Variants in RTTN observed in about 807,000 individuals in gnomAD.
The protein encoded by RTTN is rotatin.
A neutral mutation model predicts 269.2 loss-of-function variants in RTTN; 182 were observed. The observed-to-expected ratio is 0.68, with a 90% CI of 0.60 to 0.76. The LOEUF (loss-of-function observed/expected upper bound fraction) is 0.76, where lower values mean the gene tolerates loss of function less well. RTTN is among the 30% of genes least tolerant of loss of function. The pLI is 0.00. For synonymous variants in RTTN, 1,006 were observed against 963.5 expected, an observed-to-expected ratio of 1.04 and a Z score of -0.82; for missense variants, 2,545 against 2,608.6, an observed-to-expected ratio of 0.98 and a Z score of 0.53.
intron 46 of RTTN, among the ~76,000 whole-genome samples, chr18:70,010,915 G>C (rs1452933629): frequency 6.6e-6 from 1 of 152,170 alleles, no homozygotes; most frequent in Non-Finnish European, 1.5e-5. Flanking sequence ...GATCAGCACT[G>C]ATCCCACAGA....
rs2145905926 is a variant in RTTN, at chr18:70,166,164, T to C, written c.1827A>G (p.Pro609=). The change falls in exon 14 of 49, where the codon CCA becomes CCG. Residue 609 remains proline (P), a synonymous_variant. Transcript: ENST00000640769. ...CCTTCTGACTTTCTCCTTGTAGTAA[T>C]GGACTGGCCTGAGCAGATTTCCAGC... ...SKIWKSAQAS[P]LLQGESQKVL... 1 of 1,613,316 alleles carries C rather than the reference T, an allele frequency of 6.2e-7. No homozygotes were observed. The highest frequency in any genetic ancestry group is 8.5e-7 in the Non-Finnish European group (1 of 1,179,456).
intron 36 of RTTN, among the ~76,000 whole-genome samples, chr18:70,058,679 G>A (rs17082034): frequency 0.095 from 14,420 of 152,050 alleles, 2,073 homozygotes; most frequent in African/African-American, 0.31. Context: ...TAGCTGACTC[G>A]TAAGAAGCAA....
At chr18:70,182,068 T>C (rs1250814730) in intron 10 of RTTN, among the ~76,000 whole-genome samples, 1 of 152,144 alleles carries the variant, frequency 6.6e-6, no homozygotes, top group Non-Finnish European at 1.5e-5. Context: ...AATTTACTTG[T>C]TGAAAATCTT....
chr18:70,025,475 T>C (rs1179423762), intron 43 of RTTN, among the ~76,000 whole-genome samples: 3 of 152,162 alleles, frequency 2.0e-5, no homozygotes, highest in African/African-American at 7.2e-5. Context: ...AATTCCGAGG[T>C]AATTTGTAGA....
intron 28 of RTTN, among the ~76,000 whole-genome samples, chr18:70,098,014 A>G (rs1033231269): frequency 4.6e-5 from 7 of 152,222 alleles, no homozygotes; most frequent in South Asian, 2.1e-4. Flanking sequence ...TGACTCTGTA[A>G]AAGGTTGATA....
chr18:70,199,608 G>C, intron 4 of RTTN, 104 bp from the exon 5 acceptor site: 1 of 763,890 alleles, frequency 1.3e-6, no homozygotes, highest in African/African-American at 1.7e-5. Flanking sequence ...CAAAATAAAG[G>C]CTGCATCTTA....
chr18:70,060,073 A>G, intron 35 of RTTN, 31 bp from the exon 36 acceptor site: 1 of 1,543,388 alleles, frequency 6.5e-7, no homozygotes, highest in East Asian at 2.3e-5. Flanking sequence ...AAGAATTATT[A>G]TTTACCTTAC....
At chr18:70,056,516 T>C (rs2057821127) in intron 37 of RTTN, among the ~76,000 whole-genome samples, 2 of 152,242 alleles carry the variant, frequency 1.3e-5, no homozygotes, top group Non-Finnish European at 2.9e-5. Context: ...AGTGAGCACC[T>C]GTCATGAGAC....
At chr18:70,159,522 T>A (rs182112020) in intron 14 of RTTN, among the ~76,000 whole-genome samples, 1 of 152,112 alleles carries the variant, frequency 6.6e-6, no homozygotes, top group African/African-American at 2.4e-5. Flanking sequence ...ACACCACACT[T>A]AGAGGAACTA....
intron 9 of RTTN, among the ~76,000 whole-genome samples, chr18:70,189,196 C>G (rs2061614927): frequency 6.6e-6 from 1 of 152,182 alleles, no homozygotes; most frequent in Non-Finnish European, 1.5e-5. Flanking sequence ...TGCCAAAGTT[C>G]AGATCTTTCT....
At chr18:70,066,031 T>C (rs971823413) in intron 34 of RTTN, 109 bp from the exon 35 acceptor site, 6 of 603,360 alleles carry the variant, frequency 9.9e-6, no homozygotes, top group Non-Finnish European at 1.6e-5. Context: ...GACAAAATTA[T>C]ACTAGTTAGG....
Position 70,149,080 on chromosome 18 carries a change from T to A in RTTN, c.2173-43A>T, listed in dbSNP as rs201026144. 9 of 1,554,954 alleles carry A rather than the reference T, an allele frequency of 5.8e-6. No individual in the cohort carries two copies. In the Admixed American group the frequency reaches 1.1e-4, roughly 19 times the overall value. ...AAAGAGAAATTATTGTCTAATTGTA[T>A]ACATAACTTTTCAACTTGAAAATAA... On this transcript the variant is annotated intron_variant, in intron 16 of 48. Coordinates refer to ENST00000640769, the MANE Select transcript of RTTN (RefSeq NM_173630.4).
Position 70,005,283 on chromosome 18 carries a change from A to C in RTTN, c.6526-16T>G, listed in dbSNP as rs375779362. ...CTGTTTTTGCCTAGAACAATCCATT[A>C]ATTAGGTTTCTTGCCATGTGTTATG... is the stretch of plus-strand genomic sequence containing the variant. On this transcript the variant is annotated splice_polypyrimidine_tract_variant and intron_variant, in intron 47 of 48. Transcript: ENST00000640769. The C allele has an allele frequency of 1.6e-5, 25 of 1,602,272 alleles. No individual in the cohort carries two copies. Among genetic ancestry groups the C allele is most frequent in the Non-Finnish European group, 2.0e-5 (23 of 1,170,952 alleles).
intron 32 of RTTN, among the ~76,000 whole-genome samples, chr18:70,079,628 T>G (rs2058512954): frequency 6.6e-6 from 1 of 152,098 alleles, no homozygotes; most frequent in Non-Finnish European, 1.5e-5. Context: ...AGCCTTGCCC[T>G]CAGGTGAGTT....
chr18:70,158,590 A>G (rs929284129), intron 14 of RTTN, among the ~76,000 whole-genome samples: 5 of 152,178 alleles, frequency 3.3e-5, no homozygotes, highest in African/African-American at 4.8e-5. Context: ...AAATCCTCAC[A>G]TATCAATACT....
intron 5 of RTTN, among the ~76,000 whole-genome samples, chr18:70,199,017 T>A (rs2061883865): frequency 6.6e-6 from 1 of 152,062 alleles, no homozygotes; most frequent in African/African-American, 2.4e-5. Flanking sequence ...GGAAACCCCA[T>A]CTCTACTAAA....
chr18:70,150,425 T>G (rs2060506220), intron 15 of RTTN, among the ~76,000 whole-genome samples, 183 bp downstream of exon 15: 1 of 152,184 alleles, frequency 6.6e-6, no homozygotes, highest in Non-Finnish European at 1.5e-5. Context: ...GTCCTGTATT[T>G]TTATTCCCAC....
chr18:70,134,295 T>C (rs909169539), intron 23 of RTTN, among the ~76,000 whole-genome samples, 178 bp downstream of exon 23: 1 of 152,054 alleles, frequency 6.6e-6, no homozygotes, highest in African/African-American at 2.4e-5. Flanking sequence ...AAATAAAAAA[T>C]TGGTGGTGGG....
chr18:70,048,028 A>G lies in RTTN; in HGVS notation c.5484T>C (p.Leu1828=), dbSNP rs2057541304. 6.2e-7 allele frequency: 1 copy of G among 1,614,154 alleles called. No homozygotes were observed. The highest frequency in any genetic ancestry group is 1.3e-5 in the African/African-American group (1 of 75,068). Residue 1828 remains leucine (L), a synonymous_variant, in exon 40 of 49, where the codon CTT becomes CTC. Transcript: ENST00000640769. ...LCCSPTVASL[L]DDSQENQKSL... is the part of the protein sequence containing the mutation. ...ATTTCTGATTTTCCTGAGAGTCATC[A>G]AGAAGTGAAGCCACTGTTGGACTAC... is the stretch of plus-strand genomic sequence containing the variant.
Sources: gnomAD v4.1 joint callset for allele counts (sites outside exome capture counted in the v4.1 genomes callset) on GRCh38, gnomAD v4.1.1 for gene constraint, MANE v1.5 for transcripts, NCBI Gene and HGNC (gene_info 2026-07-23, HGNC 2026-07-21) for gene names.